The following SLC6A6 variants were observed in gnomAD, a reference collection of about 807,000 sequenced individuals.
SLC6A6 encodes the protein solute carrier family 6 member 6.
Under a neutral mutation model 68.8 loss-of-function variants are expected in SLC6A6, and 16 were observed. That is an observed-to-expected ratio of 0.23 (90% CI 0.16 to 0.35). The LOEUF (loss-of-function observed/expected upper bound fraction) is 0.35, where lower values mean the gene tolerates loss of function less well. Ranked by LOEUF, SLC6A6 falls within the 10% of genes least tolerant of loss-of-function variation. SLC6A6 has a pLI of 1.00. For synonymous variants in SLC6A6, 312 were observed against 315.4 expected (o/e 0.99, Z 0.12); for missense variants, 474 against 802.8 (o/e 0.59, Z 4.95).
chr3:14,451,405 G>A (rs1464197700), intron 5 of SLC6A6, among the ~76,000 whole-genome samples: 1 of 152,246 alleles, frequency 6.6e-6, no homozygotes, highest in African/African-American at 2.4e-5. Context: ...GACAGTCTAG[G>A]TAGGAGGAAC....
At chr3:14,419,476 T>C (rs893916626) in intron 2 of SLC6A6, among the ~76,000 whole-genome samples, 15 of 152,202 alleles carry the variant, frequency 9.9e-5, no homozygotes, top group Admixed American at 8.5e-4. Flanking sequence ...AAAAAAGTAT[T>C]GCTGACAGGG....
At chr3:14,462,750 G>A (rs1381811716) in intron 6 of SLC6A6, among the ~76,000 whole-genome samples, 2 of 152,146 alleles carry the variant, frequency 1.3e-5, no homozygotes, top group Non-Finnish European at 2.9e-5. Flanking sequence ...GGTAATTCAG[G>A]TAATTATGCA....
In SLC6A6 at chr3:14,484,862, T is replaced by C. The variant is rs1219962170; in HGVS notation, c.1723-5T>C. 1 of 1,611,494 alleles carries C rather than the reference T, an allele frequency of 6.2e-7. No individual in the cohort carries two copies. Among genetic ancestry groups the C allele is most frequent in the Non-Finnish European group, 8.5e-7 (1 of 1,179,820 alleles). On this transcript the variant is annotated splice_region_variant and splice_polypyrimidine_tract_variant and intron_variant, in intron 14 of 14. Transcript: ENST00000622186. ...TCCCCCCTCACTCCTGTCATCCTTC[T>C]CCAGAGAGTCAAGTACCTGCTGACC...
intron 1 of SLC6A6, among the ~76,000 whole-genome samples, chr3:14,405,837 T>A (rs1042840476): frequency 2.0e-5 from 3 of 152,178 alleles, no homozygotes; most frequent in Non-Finnish European, 4.4e-5. Context: ...GGTAGAGTGT[T>A]GGCTTTCTAG....
intron 5 of SLC6A6, among the ~76,000 whole-genome samples, chr3:14,457,185 C>T (rs1159729209): frequency 6.6e-6 from 1 of 152,122 alleles, no homozygotes; most frequent in Non-Finnish European, 1.5e-5. Flanking sequence ...AAGACCCACG[C>T]TCTGCCGTGT....
At chr3:14,404,656 G>T (rs183270579) in intron 1 of SLC6A6, among the ~76,000 whole-genome samples, 1 of 152,208 alleles carries the variant, frequency 6.6e-6, no homozygotes, top group Non-Finnish European at 1.5e-5. Context: ...TTTGAGCCTC[G>T]GCTTGGCTGC....
At chr3:14,417,539 G>A (rs1699389281) in intron 2 of SLC6A6, among the ~76,000 whole-genome samples, 2 of 152,060 alleles carry the variant, frequency 1.3e-5, no homozygotes, top group Non-Finnish European at 2.9e-5. Flanking sequence ...AGACCATCCT[G>A]GCTAACACGG....
chr3:14,445,458 G>T (rs1258605967), intron 3 of SLC6A6, among the ~76,000 whole-genome samples: 2 of 151,466 alleles, frequency 1.3e-5, no homozygotes, highest in Non-Finnish European at 2.9e-5. Context: ...AAGAAAGAAA[G>T]AAAGAAAAAA....
In SLC6A6 at chr3:14,489,174, A is replaced by G. The variant is rs1377275942; in HGVS notation, c.*4167A>G. 2.0e-5 allele frequency: 3 copies of G among 152,540 alleles called. No individual in the cohort carries two copies. Among genetic ancestry groups the G allele is most frequent in the Admixed American group, 2.0e-4 (3 of 15,274 alleles). 9.4% of individuals were successfully genotyped at this position (152,540 alleles called of 1,614,324 possible). A position where few individuals can be genotyped will look rare whatever the true frequency, so the allele number is the denominator to read the frequency against. On this transcript the variant is annotated 3_prime_UTR_variant, in exon 15 of 15. Coordinates refer to ENST00000622186, the MANE Select transcript of SLC6A6 (RefSeq NM_003043.6). ...GTGTAGTTCAGTCTTGCAGTATACA[A>G]GCTTTTGTGTATAAATGTTTTATGA...
chr3:14,439,650 C>A (rs1699936371), intron 2 of SLC6A6, among the ~76,000 whole-genome samples: 1 of 152,224 alleles, frequency 6.6e-6, no homozygotes, highest in African/African-American at 2.4e-5. Context: ...TGCAAAATAA[C>A]CCTGGGCCCA....
chr3:14,418,473 C>T (rs1345906039), intron 2 of SLC6A6, among the ~76,000 whole-genome samples: 1 of 152,132 alleles, frequency 6.6e-6, no homozygotes, highest in African/African-American at 2.4e-5. Flanking sequence ...GCTGTGACAT[C>T]GGGCAGGGGT....
intron 6 of SLC6A6, among the ~76,000 whole-genome samples, chr3:14,458,687 G>A (rs1230585678): frequency 6.6e-6 from 1 of 152,214 alleles, no homozygotes; most frequent in Non-Finnish European, 1.5e-5. Context: ...GATTTTAGCT[G>A]CTAAATCAGA....
chr3:14,410,526 C>T (rs973879604), intron 1 of SLC6A6, among the ~76,000 whole-genome samples: 8 of 152,134 alleles, frequency 5.3e-5, no homozygotes, highest in South Asian at 2.1e-4. Flanking sequence ...TGGAATAGAA[C>T]GTGGAAGGTA....
chr3:14,443,116 A>G (rs1700030660), intron 2 of SLC6A6, among the ~76,000 whole-genome samples: 1 of 152,182 alleles, frequency 6.6e-6, no homozygotes, highest in African/African-American at 2.4e-5. Flanking sequence ...ATAAATGGTC[A>G]TCCCTGTGGG....
In SLC6A6 at chr3:14,489,231, T is replaced by G. The variant is rs1045292698; in HGVS notation, c.*4224T>G. On this transcript the variant is annotated 3_prime_UTR_variant, in exon 15 of 15. Transcript: ENST00000622186. Reference sequence around the variant, plus strand: ...TCCCTGTATTTTGCAGGGGTTTTTTTCTCTTTTGCTTTTTAGATAAATATG... The same window carrying G: ...TCCCTGTATTTTGCAGGGGTTTTTTGCTCTTTTGCTTTTTAGATAAATATG... 1.3e-5 allele frequency: 2 copies of G among 152,630 alleles called. No homozygotes were observed. The highest frequency in any genetic ancestry group is 2.9e-5 in the Non-Finnish European group (2 of 68,044). The allele number at this position is 152,630 out of a possible 1,614,324, so 9.5% of individuals were successfully genotyped here.
At position 14,472,511 on chromosome 3, in the gene SLC6A6, C is replaced by T. The variant is rs998279938; in HGVS notation, c.1209+194C>T. Among the ~76,000 whole-genome samples, 3 of 152,172 alleles carry T rather than the reference C, an allele frequency of 2.0e-5. No individual in the cohort carries two copies. Among genetic ancestry groups the T allele is most frequent in the African/African-American group, 7.2e-5 (3 of 41,440 alleles). ...TGCGTCCCCAGAAAGTGCATTTGAA[C>T]AAGATAATTATTTAGCCTAATGGAG... is the stretch of plus-strand genomic sequence containing the variant. On this transcript the variant is annotated intron_variant, in intron 10 of 14. Transcript: ENST00000622186. The surrounding 1 kb of genome is among the most constrained non-coding windows in gnomAD (Gnocchi z 4.5).
intron 9 of SLC6A6, among the ~76,000 whole-genome samples, chr3:14,471,770 T>C (rs1183855493): frequency 6.6e-6 from 1 of 152,152 alleles, no homozygotes; most frequent in Non-Finnish European, 1.5e-5. Context: ...AACTCAAAAA[T>C]AGAAACTTTC....
rs1366996767 is a variant in SLC6A6, at chr3:14,467,849, A to G, written c.868-4A>G. On this transcript the variant is annotated splice_polypyrimidine_tract_variant and splice_region_variant and intron_variant, in intron 7 of 14. Coordinates refer to ENST00000622186, the MANE Select transcript of SLC6A6 (RefSeq NM_003043.6). Reference sequence around the variant, plus strand: ...TTTCCTTGCCACCTCCCTCCCCCTCATAGGTGTGGATTGACGCTGGGACTC... The same window carrying G: ...TTTCCTTGCCACCTCCCTCCCCCTCGTAGGTGTGGATTGACGCTGGGACTC... 1 of 1,593,646 alleles carries G rather than the reference A, an allele frequency of 6.3e-7. No individual in the cohort carries two copies. The highest frequency in any genetic ancestry group is 1.1e-5 in the South Asian group (1 of 89,752).
Position 14,472,450 on chromosome 3 carries a change from A to G in SLC6A6, c.1209+133A>G, listed in dbSNP as rs1380455342. The G allele has an allele frequency of 4.6e-6, 3 of 656,484 alleles. No homozygotes were observed. The East Asian group carries it at 7.7e-5, about 17-fold the overall frequency. The allele number at this position is 656,484 out of a possible 1,614,324, so 40.7% of individuals were successfully genotyped here. A position where few individuals can be genotyped will look rare whatever the true frequency, so the allele number is the denominator to read the frequency against. On this transcript the variant is annotated intron_variant, in intron 10 of 14. Transcript: ENST00000622186. The surrounding 1 kb of genome is among the most constrained non-coding windows in gnomAD (Gnocchi z 4.5). ...TCAGACTTCCAGTGCTTCAGCTGTGAGGGTTCCTCCAGGACACCAGGAATA... is the reference window on the plus strand; with the variant it reads ...TCAGACTTCCAGTGCTTCAGCTGTGGGGGTTCCTCCAGGACACCAGGAATA...
Sources: gnomAD v4.1 joint callset for allele counts (sites outside exome capture counted in the v4.1 genomes callset) on GRCh38, gnomAD v4.1.1 for gene constraint, Gnocchi (gnomAD v3.1) non-coding constraint, MANE v1.5 for transcripts, NCBI Gene and HGNC (gene_info 2026-07-23, HGNC 2026-07-21) for gene names.